WNT7A: variants seen among roughly 807,000 people sequenced by gnomAD.
WNT7A encodes protein Wnt-7a.
A neutral mutation model predicts 28.2 loss-of-function variants in WNT7A; 16 were observed. The observed-to-expected ratio is 0.57, with a 90% CI of 0.38 to 0.86. The LOEUF (loss-of-function observed/expected upper bound fraction) is 0.86. WNT7A is among the 40% of genes least tolerant of loss of function. The probability of loss-of-function intolerance (pLI) is 0.00; values close to 1 mark genes in which losing one functional copy is unlikely to be tolerated. For synonymous variants in WNT7A, 190 were observed against 195.9 expected, an observed-to-expected ratio of 0.97 and a Z score of 0.25; for missense variants, 411 against 489.7, an observed-to-expected ratio of 0.84 and a Z score of 1.52.
intron 3 of WNT7A, among the ~76,000 whole-genome samples, chr3:13,847,048 C>T (rs1418339305): frequency 2.6e-5 from 4 of 152,328 alleles, no homozygotes; most frequent in South Asian, 4.1e-4. Flanking sequence ...CCTTCCTCCC[C>T]GGGTACTGTC....
intron 3 of WNT7A, among the ~76,000 whole-genome samples, chr3:13,842,344 G>T (rs1694474342): frequency 1.3e-5 from 2 of 150,932 alleles, no homozygotes; most frequent in Non-Finnish European, 3.0e-5. Context: ...TTTTGCTACT[G>T]CAGGGAAGAG....
chr3:13,851,298 T>C (rs566835916), intron 3 of WNT7A, among the ~76,000 whole-genome samples: 3 of 152,312 alleles, frequency 2.0e-5, no homozygotes, highest in African/African-American at 7.2e-5. Context: ...TTCAAGGCTG[T>C]GTGTTAGGAT....
At chr3:13,845,024 G>A (rs1337135740) in intron 3 of WNT7A, among the ~76,000 whole-genome samples, 1 of 152,212 alleles carries the variant, frequency 6.6e-6, no homozygotes, top group Non-Finnish European at 1.5e-5. Context: ...TCACTGTGGT[G>A]TAACTGAGCC....
intron 2 of WNT7A, among the ~76,000 whole-genome samples, chr3:13,858,273 G>A (rs899521356): frequency 1.3e-5 from 2 of 152,178 alleles, no homozygotes; most frequent in African/African-American, 2.4e-5. Flanking sequence ...GAATCAAGGC[G>A]GGGCAGAAAG....
chr3:13,878,589 C>T (rs536030537), intron 1 of WNT7A, among the ~76,000 whole-genome samples: 1 of 152,152 alleles, frequency 6.6e-6, no homozygotes, highest in Non-Finnish European at 1.5e-5. Flanking sequence ...GGACAACTTG[C>T]GAAATCCCCG....
chr3:13,843,150 C>G (rs1477226973), intron 3 of WNT7A, among the ~76,000 whole-genome samples: 3 of 152,090 alleles, frequency 2.0e-5, no homozygotes, highest in African/African-American at 7.2e-5. Context: ...CTACAGCCAG[C>G]GAATGGACAA....
intron 3 of WNT7A, among the ~76,000 whole-genome samples, chr3:13,838,718 G>C (rs1694408954): frequency 6.6e-6 from 1 of 152,182 alleles, no homozygotes; most frequent in Non-Finnish European, 1.5e-5. Flanking sequence ...AGAGAGTAAA[G>C]CTGGGTCTCC....
rs1169493912 is a variant in WNT7A, at chr3:13,865,872, G to A, written c.298+9075C>T. 2.0e-5 allele frequency among the ~76,000 whole-genome samples: 3 copies of A among 152,172 alleles called. No homozygotes were observed. The East Asian group carries it at 5.8e-4, about 29-fold the overall frequency. ...CATGGAGCCTCATGATGGCAGAGAA[G>A]ACTAATGTCAGATGGGTTCTTGCAA... is the stretch of plus-strand genomic sequence containing the variant. On this transcript the variant is annotated intron_variant, in intron 2 of 3. Transcript: ENST00000285018.
chr3:13,846,173 G>A (rs555497411), intron 3 of WNT7A, among the ~76,000 whole-genome samples: 1 of 152,392 alleles, frequency 6.6e-6, no homozygotes, highest in Non-Finnish European at 1.5e-5. Context: ...GAGGATGCAC[G>A]TGTGCGTGCC....
intron 3 of WNT7A, among the ~76,000 whole-genome samples, chr3:13,850,714 A>G (rs1162773328): frequency 6.6e-6 from 1 of 151,882 alleles, no homozygotes; most frequent in African/African-American, 2.4e-5. Flanking sequence ...TCCCTGGTGC[A>G]CTTCTCTCTC....
intron 2 of WNT7A, among the ~76,000 whole-genome samples, chr3:13,866,579 G>C (rs73814728): frequency 0.011 from 1,696 of 152,318 alleles, 33 homozygotes; most frequent in African/African-American, 0.038. Context: ...GGTAATGAAG[G>C]CTTCTCCGAG....
At chr3:13,858,799 G>C (rs904801878) in intron 2 of WNT7A, among the ~76,000 whole-genome samples, 6 of 152,036 alleles carry the variant, frequency 3.9e-5, no homozygotes, top group African/African-American at 1.2e-4. Flanking sequence ...ATGTGGAAGA[G>C]TCACTTTTGA....
chr3:13,873,770 A>G (rs1414522219), intron 2 of WNT7A, among the ~76,000 whole-genome samples: 1 of 152,182 alleles, frequency 6.6e-6, no homozygotes, highest in Admixed American at 6.5e-5. Flanking sequence ...AGACCTGGAC[A>G]GGGTCAGGGG....
intron 2 of WNT7A, among the ~76,000 whole-genome samples, chr3:13,856,869 G>GA (rs1694738560): frequency 7.3e-6 from 1 of 137,480 alleles, no homozygotes; most frequent in African/African-American, 2.9e-5. Context: ...GGAAGAGGAA[G>GA]AGGAAGAAGA....
Position 13,818,733 on chromosome 3 carries a change from G to C in WNT7A, c.*211C>G. On this transcript the variant is annotated 3_prime_UTR_variant, in exon 4 of 4. Coordinates refer to ENST00000285018, the MANE Select transcript of WNT7A (RefSeq NM_004625.4). ...GGAGGGACCTGGGCTGTGTCTGGGG[G>C]AGGGTGGAGCAGCATTGGGTGTGGA... is the stretch of plus-strand genomic sequence containing the variant. The C allele has an allele frequency of 1.4e-6, 1 of 694,024 alleles. No homozygotes were observed. The highest frequency in any genetic ancestry group is 2.2e-6 in the Non-Finnish European group (1 of 454,498). The allele number at this position is 694,024 out of a possible 1,614,324, so 43.0% of individuals were successfully genotyped here.
chr3:13,843,461 G>A (rs1019581360), intron 3 of WNT7A, among the ~76,000 whole-genome samples: 1 of 152,056 alleles, frequency 6.6e-6, no homozygotes, highest in Non-Finnish European at 1.5e-5. Context: ...TGGCACAGTC[G>A]GGGCTCTGAT....
chr3:13,828,306 G>A (rs903504076), intron 3 of WNT7A, among the ~76,000 whole-genome samples: 4 of 152,222 alleles, frequency 2.6e-5, no homozygotes, highest in Non-Finnish European at 4.4e-5. Context: ...AACTAGGAAA[G>A]CAGAGCTGAG....
rs1446432855 is a variant in WNT7A at position 13,816,814 on chromosome 3, C to T, written c.*2130G>A. 1 of 152,300 alleles carries T rather than the reference C, an allele frequency of 6.6e-6. No homozygotes were observed. The highest frequency in any genetic ancestry group is 1.5e-5 in the Non-Finnish European group (1 of 68,048). 9.4% of individuals were successfully genotyped at this position (152,300 alleles called of 1,614,324 possible). ...CCATCCATCCATTTATCCATTCACC[C>T]ACCCACCTACTTATCCATCCACACA... On this transcript the variant is annotated 3_prime_UTR_variant, in exon 4 of 4. Transcript: ENST00000285018.
At chr3:13,831,738 T>C (rs1694281957) in intron 3 of WNT7A, among the ~76,000 whole-genome samples, 1 of 152,066 alleles carries the variant, frequency 6.6e-6, no homozygotes, top group Admixed American at 6.5e-5. Context: ...CAAAGGCCCA[T>C]CTCCCTGCCT....
Sources: gnomAD v4.1 joint callset for allele counts (sites outside exome capture counted in the v4.1 genomes callset) on GRCh38, gnomAD v4.1.1 for gene constraint, MANE v1.5 for transcripts, NCBI Gene and HGNC (gene_info 2026-07-23, HGNC 2026-07-21) for gene names.